DIAPH2: variants seen among roughly 807,000 people sequenced by gnomAD.
DIAPH2 encodes the protein protein diaphanous homolog 2.
Under a neutral mutation model 92.7 loss-of-function variants are expected in DIAPH2, and 35 were observed. The ratio of observed to expected loss-of-function variants is 0.38; its 90% confidence interval spans 0.29 to 0.50. The LOEUF (loss-of-function observed/expected upper bound fraction) is 0.50. Among genes scored for constraint, DIAPH2 ranks in the 20% least tolerant of loss-of-function variants. DIAPH2 has a pLI of 0.94. For synonymous variants in DIAPH2, 301 were observed against 280.4 expected, an observed-to-expected ratio of 1.07 and a Z score of -0.73; for missense variants, 701 against 819.5, an observed-to-expected ratio of 0.86 and a Z score of 1.77.
rs2065708788 is a variant in DIAPH2, at chrX:96,942,146, A to G, written c.1444+10A>G. The G allele has an allele frequency of 3.0e-6, 3 of 994,305 alleles. No homozygotes were observed. The highest frequency in any genetic ancestry group is 2.9e-6 in the Non-Finnish European group (2 of 701,330). 81.9% of individuals were successfully genotyped at this position (994,305 alleles called of 1,213,427 possible). A position where few individuals can be genotyped will look rare whatever the true frequency, so the allele number is the denominator to read the frequency against. ...TTAACTCATCTGATAGGTATGTATC[A>G]TAATCCTCATTGTCCTCTGATTGTG... On this transcript the variant is annotated intron_variant, in intron 13 of 26. Coordinates refer to ENST00000324765, the MANE Select transcript of DIAPH2 (RefSeq NM_006729.5).
At chrX:97,508,517 A>G (rs2070853741) in intron 26 of DIAPH2, among the ~76,000 whole-genome samples, 1 of 112,430 alleles carries the variant, frequency 8.9e-6, no homozygotes. Flanking sequence ...GACCTGCCTA[A>G]TTTACATTGT....
At position 97,048,900 on chromosome X, in the gene DIAPH2, A is replaced by AT. The variant is rs201550554; in HGVS notation, c.2051-24029dup. ...CAAGCTGTTCCTGTGAAATGCCTAC[A>AT]TTTTTTTTTTTTAGCACTACCTTAC... On this transcript the variant is annotated intron_variant, in intron 17 of 26. Coordinates refer to ENST00000324765, the MANE Select transcript of DIAPH2 (RefSeq NM_006729.5). Among the ~76,000 whole-genome samples the AT allele has an allele frequency of 1.4e-3, 142 of 102,627 alleles. No homozygotes were observed. In the East Asian group the frequency reaches 0.021, roughly 15 times the overall value. The allele number at this position is 102,627 out of a possible 115,157, so 89.1% of individuals were successfully genotyped here.
intron 4 of DIAPH2, among the ~76,000 whole-genome samples, chrX:96,832,738 A>C (rs2064863293): frequency 8.9e-6 from 1 of 111,927 alleles, no homozygotes; most frequent in Non-Finnish European, 1.9e-5. Context: ...GTTCCCTGAA[A>C]GTCTCCATTT....
intron 19 of DIAPH2, among the ~76,000 whole-genome samples, chrX:97,077,431 T>A: frequency 8.9e-6 from 1 of 112,786 alleles, no homozygotes; most frequent in Admixed American, 9.3e-5. Flanking sequence ...ATCATCAGAT[T>A]AACTTTGTTG....
chrX:97,520,214 G>T (rs1018642271), intron 26 of DIAPH2, among the ~76,000 whole-genome samples: 1 of 112,186 alleles, frequency 8.9e-6, no homozygotes. Context: ...GATTTTTGAT[G>T]TATGTACAGG....
rs753294044 is a variant in DIAPH2 at position 96,999,425 on chromosome X, C to T, written c.2050+34218C>T. ...CTGAGGCAGGAGAATGGCGTGATCC[C>T]GGGAGGCGGAGCTTGCAGTGAGCTG... is the stretch of plus-strand genomic sequence containing the variant. On this transcript the variant is annotated intron_variant, in intron 17 of 26. Coordinates refer to ENST00000324765, the MANE Select transcript of DIAPH2 (RefSeq NM_006729.5). Among the ~76,000 whole-genome samples, 164 of 101,381 alleles carry T rather than the reference C, an allele frequency of 1.6e-3. 1 individual carries two copies. The highest frequency in any genetic ancestry group is 4.6e-3 in the African/African-American group (125 of 27,049). 88.0% of individuals were successfully genotyped at this position (101,381 alleles called of 115,157 possible). A position where few individuals can be genotyped will look rare whatever the true frequency, so the allele number is the denominator to read the frequency against.
At chrX:97,058,126 C>T (rs2066570561) in intron 17 of DIAPH2, among the ~76,000 whole-genome samples, 1 of 111,546 alleles carries the variant, frequency 9.0e-6, no homozygotes, top group Non-Finnish European at 1.9e-5. Context: ...GATCGTTGAA[C>T]AGTATAATCT....
At chrX:97,041,672 G>T (rs911444861) in intron 17 of DIAPH2, among the ~76,000 whole-genome samples, 4 of 111,553 alleles carry the variant, frequency 3.6e-5, no homozygotes, top group African/African-American at 1.3e-4. Flanking sequence ...ACATATCTTT[G>T]ATGGGGAAAA....
chrX:97,113,706 A>G (rs1029074148), intron 20 of DIAPH2, among the ~76,000 whole-genome samples: 1 of 112,310 alleles, frequency 8.9e-6, no homozygotes, highest in Non-Finnish European at 1.9e-5. Flanking sequence ...GTGGTTTAAA[A>G]ACTTTTGTTT....
intron 22 of DIAPH2, among the ~76,000 whole-genome samples, chrX:97,157,852 G>A (rs1309695341): frequency 8.9e-6 from 1 of 112,154 alleles, no homozygotes; most frequent in African/African-American, 3.2e-5. Flanking sequence ...CTATATTTCT[G>A]TTCTCAAAAC....
Position 96,766,114 on chromosome X carries a change from A to T in DIAPH2, c.447+7856A>T, listed in dbSNP as rs1297859828. ...AATGTACACAGCTTCTGTGTTCAAG[A>T]AACTAGGTCTAACGGGGAAGACAGA... On this transcript the variant is annotated intron_variant, in intron 4 of 26. Coordinates refer to ENST00000324765, the MANE Select transcript of DIAPH2 (RefSeq NM_006729.5). Among the ~76,000 whole-genome samples, 3 of 110,355 alleles carry T rather than the reference A, an allele frequency of 2.7e-5. No homozygotes were observed. The East Asian group carries it at 8.5e-4, about 31-fold the overall frequency.
intron 21 of DIAPH2, among the ~76,000 whole-genome samples, chrX:97,127,193 A>C (rs976610264): frequency 1.8e-5 from 2 of 111,966 alleles, no homozygotes; most frequent in Non-Finnish European, 3.8e-5. Flanking sequence ...AGAGGATATC[A>C]TGAGATTGTC....
At chrX:96,907,452 A>G (rs191091090) in intron 5 of DIAPH2, among the ~76,000 whole-genome samples, 1 of 112,525 alleles carries the variant, frequency 8.9e-6, no homozygotes, top group African/African-American at 3.2e-5. Context: ...TAGATGTTAT[A>G]GAAAATTGTG....
intron 4 of DIAPH2, among the ~76,000 whole-genome samples, chrX:96,765,491 G>A (rs757278551): frequency 9.0e-6 from 1 of 111,286 alleles, no homozygotes; most frequent in South Asian, 3.8e-4. Context: ...GAGCCACCAC[G>A]TCCGGTCCAC....
intron 9 of DIAPH2, among the ~76,000 whole-genome samples, chrX:96,926,283 T>C (rs887582900): frequency 1.0e-5 from 1 of 99,242 alleles, no homozygotes; most frequent in African/African-American, 3.4e-5. Flanking sequence ...TCCCTTTCTC[T>C]GTCACTTAGG....
intron 4 of DIAPH2, among the ~76,000 whole-genome samples, chrX:96,833,564 C>T (rs1156903457): frequency 9.0e-6 from 1 of 111,516 alleles, no homozygotes; most frequent in African/African-American, 3.3e-5. Flanking sequence ...TTAAAAAAAT[C>T]ATTACGTCAT....
chrX:96,700,545 T>A (rs956747608), intron 1 of DIAPH2, among the ~76,000 whole-genome samples: 2 of 112,696 alleles, frequency 1.8e-5, no homozygotes, highest in Admixed American at 9.4e-5. Context: ...TTTGTCATCA[T>A]TTGCTGAGAG....
chrX:97,051,250 C>G (rs2066518154), intron 17 of DIAPH2, among the ~76,000 whole-genome samples: 1 of 110,895 alleles, frequency 9.0e-6, no homozygotes, highest in Admixed American at 9.6e-5. Context: ...AGAAATTCAG[C>G]AGAGACATTC....
chrX:96,956,601 C>T (rs1305342603), intron 15 of DIAPH2, among the ~76,000 whole-genome samples: 3 of 111,647 alleles, frequency 2.7e-5, no homozygotes, highest in Non-Finnish European at 5.6e-5. Context: ...TGCCAGATAC[C>T]CTAAATCATC....
Sources: allele counts gnomAD v4.1 joint callset (sites outside exome capture counted in the v4.1 genomes callset), GRCh38; gene constraint gnomAD v4.1.1; transcripts MANE v1.5; gene names NCBI Gene and HGNC (gene_info 2026-07-23, HGNC 2026-07-21).